The following SORCS3 variants were observed in gnomAD, a reference collection of about 807,000 sequenced individuals.
SORCS3 encodes the protein VPS10 domain-containing receptor SorCS3.
In SORCS3, 57 loss-of-function variants were observed where a neutral mutation model predicts 146.3. That is an observed-to-expected ratio of 0.39 (90% CI 0.31 to 0.49). SORCS3 has a LOEUF of 0.49. Among genes scored for constraint, SORCS3 ranks in the 20% least tolerant of loss-of-function variants. SORCS3 has a pLI of 0.92. For synonymous variants in SORCS3, 653 were observed against 618.5 expected (o/e 1.06, Z -0.83); for missense variants, 1,341 against 1,575.5 (o/e 0.85, Z 2.52).
In SORCS3 at chr10:104,788,198, G is replaced by C. The variant is rs758289341; in HGVS notation, c.628-54594G>C. Among the ~76,000 whole-genome samples, 2 of 152,312 alleles carry C rather than the reference G, an allele frequency of 1.3e-5. 1 individual carries two copies. Among genetic ancestry groups the C allele is most frequent in the East Asian group, 3.9e-4 (2 of 5,188 alleles). ...GGAGTAATTGAATCAGGCAATGGTT[G>C]AGTTGAAAGAAAACTAAAACGGAGC... is the stretch of plus-strand genomic sequence containing the variant. On this transcript the variant is annotated intron_variant, in intron 1 of 26. Transcript: ENST00000369701.
At chr10:104,748,998 A>T (rs2016948165) in intron 1 of SORCS3, among the ~76,000 whole-genome samples, 1 of 152,190 alleles carries the variant, frequency 6.6e-6, no homozygotes, top group Non-Finnish European at 1.5e-5. Flanking sequence ...GCTGAGACCA[A>T]TGGGCAGAGT....
At chr10:104,712,413 T>C (rs577668006) in intron 1 of SORCS3, among the ~76,000 whole-genome samples, 139 of 152,372 alleles carry the variant, frequency 9.1e-4, no homozygotes, top group Admixed American at 2.4e-3. Flanking sequence ...AAAGACAAGC[T>C]TGAGTGAAAT....
intron 12 of SORCS3, among the ~76,000 whole-genome samples, chr10:105,165,737 C>A (rs1021637276): frequency 6.6e-6 from 1 of 152,148 alleles, no homozygotes; most frequent in Non-Finnish European, 1.5e-5. Flanking sequence ...TCCTCATAGG[C>A]AAACCATTTC....
intron 13 of SORCS3, among the ~76,000 whole-genome samples, chr10:105,167,884 A>G (rs1282010643): frequency 6.6e-6 from 1 of 152,156 alleles, no homozygotes; most frequent in Non-Finnish European, 1.5e-5. Context: ...GAGAGTGGGT[A>G]CAAGGAGAAA....
At chr10:105,098,551 G>T (rs2055762073) in intron 6 of SORCS3, among the ~76,000 whole-genome samples, 1 of 152,130 alleles carries the variant, frequency 6.6e-6, no homozygotes, top group African/African-American at 2.4e-5. Context: ...AAAATCACCT[G>T]GGTTCAAATT....
At chr10:104,696,717 T>G (rs1166754245) in intron 1 of SORCS3, among the ~76,000 whole-genome samples, 2 of 89,778 alleles carry the variant, frequency 2.2e-5, no homozygotes, top group Non-Finnish European at 4.1e-5. Context: ...ATATATAATA[T>G]ATAACATATA....
At chr10:104,677,557 T>C (rs997410096) in intron 1 of SORCS3, among the ~76,000 whole-genome samples, 1 of 152,192 alleles carries the variant, frequency 6.6e-6, no homozygotes, top group Admixed American at 6.5e-5. Flanking sequence ...AAAACGTTGC[T>C]GAAGAAGAGG....
chr10:105,041,067 ATATG>A (rs200334949), intron 4 of SORCS3, among the ~76,000 whole-genome samples: 6,775 of 117,478 alleles, frequency 0.058, 176 homozygotes, highest in Middle Eastern at 0.092. Flanking sequence ...ATATAAATAT[ATATG>A]TATGTATGTA....
intron 1 of SORCS3, among the ~76,000 whole-genome samples, chr10:104,744,956 C>T (rs1398906423): frequency 2.0e-5 from 3 of 152,190 alleles, no homozygotes; most frequent in East Asian, 1.9e-4. Flanking sequence ...AAGACATGCA[C>T]ATTAATTCCA....
At chr10:104,765,349 T>C (rs1050941663) in intron 1 of SORCS3, among the ~76,000 whole-genome samples, 2 of 152,254 alleles carry the variant, frequency 1.3e-5, no homozygotes, top group African/African-American at 4.8e-5. Flanking sequence ...AGGAGGTTTA[T>C]GGAGCCTTAC....
At chr10:105,151,217 T>C (rs1287015516) in intron 9 of SORCS3, among the ~76,000 whole-genome samples, 1 of 152,130 alleles carries the variant, frequency 6.6e-6, no homozygotes, top group Non-Finnish European at 1.5e-5. Flanking sequence ...AGACAAATTG[T>C]TGGAAATAAG....
At chr10:104,854,478 C>A (rs1263402158) in intron 2 of SORCS3, among the ~76,000 whole-genome samples, 1 of 152,124 alleles carries the variant, frequency 6.6e-6, no homozygotes, top group East Asian at 1.9e-4. Context: ...TTTACTCAGT[C>A]CCCCTCGATA....
chr10:105,188,365 G>A (rs1003648819), intron 14 of SORCS3, among the ~76,000 whole-genome samples: 24 of 152,148 alleles, frequency 1.6e-4, no homozygotes, highest in African/African-American at 5.8e-4. Context: ...CCCAGATAAT[G>A]AAAGGGAGGG....
intron 4 of SORCS3, among the ~76,000 whole-genome samples, chr10:104,988,009 T>C (rs2054972345): frequency 6.6e-6 from 1 of 152,172 alleles, no homozygotes; most frequent in Non-Finnish European, 1.5e-5. Flanking sequence ...AGTACCACCT[T>C]CCCATGTGTG....
intron 1 of SORCS3, among the ~76,000 whole-genome samples, chr10:104,728,651 C>T (rs947784291): frequency 6.6e-6 from 1 of 152,154 alleles, no homozygotes; most frequent in Admixed American, 6.5e-5. Context: ...TTACACTTGA[C>T]CTATCAGAAA....
intron 4 of SORCS3, among the ~76,000 whole-genome samples, chr10:105,006,858 G>T (rs1225454564): frequency 1.3e-5 from 2 of 152,126 alleles, no homozygotes; most frequent in African/African-American, 2.4e-5. Context: ...CCCTTATCCT[G>T]CTTTATTTTT....
intron 1 of SORCS3, among the ~76,000 whole-genome samples, chr10:104,695,086 A>G (rs1194556412): frequency 6.6e-6 from 1 of 152,166 alleles, no homozygotes; most frequent in South Asian, 2.1e-4. Flanking sequence ...GTCAAACTTC[A>G]TTATCAGAAG....
chr10:104,715,251 C>T (rs2016462612), intron 1 of SORCS3, among the ~76,000 whole-genome samples: 1 of 152,124 alleles, frequency 6.6e-6, no homozygotes, highest in Non-Finnish European at 1.5e-5. Flanking sequence ...GGTGGGTGGG[C>T]ATCATCCAAT....
At chr10:105,204,560 G>T (rs578003357) in intron 16 of SORCS3, among the ~76,000 whole-genome samples, 4 of 151,914 alleles carry the variant, frequency 2.6e-5, no homozygotes, top group Non-Finnish European at 4.4e-5. Flanking sequence ...AATTTTTTTT[G>T]ATATATAATG....
Sources: gnomAD v4.1 joint callset for allele counts (sites outside exome capture counted in the v4.1 genomes callset) on GRCh38, gnomAD v4.1.1 for gene constraint, MANE v1.5 for transcripts, NCBI Gene and HGNC (gene_info 2026-07-23, HGNC 2026-07-21) for gene names.